NBAS: variants seen among roughly 807,000 people sequenced by gnomAD.
The protein encoded by NBAS is NBAS subunit of NRZ tethering complex.
NBAS carries 219 observed loss-of-function variants against 302.5 expected under a neutral mutation model. The observed-to-expected ratio is 0.72, with a 90% CI of 0.65 to 0.81. The LOEUF is 0.81. Among genes scored for constraint, NBAS ranks in the 30% least tolerant of loss-of-function variants. NBAS has a pLI of 0.00. For synonymous variants in NBAS, 1,118 were observed against 1,021.6 expected, an observed-to-expected ratio of 1.09 and a Z score of -1.80; for missense variants, 2,932 against 2,841.6, an observed-to-expected ratio of 1.03 and a Z score of -0.72.
intron 50 of NBAS, among the ~76,000 whole-genome samples, chr2:15,182,568 AC>A (rs1272020628): frequency 6.6e-6 from 1 of 152,198 alleles, no homozygotes; most frequent in Admixed American, 6.5e-5. Flanking sequence ...TCGGTGACTA[AC>A]CCATGTTTCG....
chr2:14,920,898 T>C, the NBAS span, among the ~76,000 whole-genome samples: 1 of 151,748 alleles, frequency 6.6e-6, no homozygotes, highest in Non-Finnish European at 1.5e-5. Context: ...AATAAGGCTG[T>C]TTCACTTTTT....
intron 35 of NBAS, among the ~76,000 whole-genome samples, chr2:15,334,449 A>G (rs1256983814): frequency 1.3e-5 from 2 of 151,994 alleles, no homozygotes; most frequent in Non-Finnish European, 2.9e-5. Context: ...CGGCCTCCCA[A>G]AGTGCTGGGA....
At chr2:15,439,062 G>A (rs746035009) in intron 21 of NBAS, among the ~76,000 whole-genome samples, 17 of 152,104 alleles carry the variant, frequency 1.1e-4, no homozygotes, top group Admixed American at 4.6e-4. Flanking sequence ...TTGGGAGGCC[G>A]AGGCAGGCGG....
intron 47 of NBAS, among the ~76,000 whole-genome samples, chr2:15,223,832 A>T (rs1030997176): frequency 1.2e-4 from 17 of 143,330 alleles, no homozygotes; most frequent in Admixed American, 2.1e-4. Context: ...CATCTCAAAT[A>T]AAAAAAAAAA....
At chr2:15,282,213 G>A (rs1669855735) in intron 42 of NBAS, among the ~76,000 whole-genome samples, 1 of 152,012 alleles carries the variant, frequency 6.6e-6, no homozygotes, top group Admixed American at 6.6e-5. Flanking sequence ...AACTAATAGG[G>A]GTTAGATGCT....
the NBAS span, among the ~76,000 whole-genome samples, chr2:15,077,204 G>A: frequency 6.6e-6 from 1 of 152,208 alleles, no homozygotes; most frequent in Admixed American, 6.5e-5. Context: ...CAGCAGGAAA[G>A]AGTGGGGAAC....
At chr2:15,134,030 T>A in the NBAS span, among the ~76,000 whole-genome samples, 404 of 147,948 alleles carry the variant, frequency 2.7e-3, no homozygotes, top group African/African-American at 9.5e-3. Context: ...ACTCTCTCCT[T>A]ACTATGCACA....
intron 24 of NBAS, among the ~76,000 whole-genome samples, chr2:15,416,470 A>G (rs1676937943): frequency 6.6e-6 from 1 of 152,206 alleles, no homozygotes; most frequent in South Asian, 2.1e-4. Context: ...AGGAAAAGAA[A>G]CTAATGAGAT....
the NBAS span, among the ~76,000 whole-genome samples, chr2:14,812,560 A>G: frequency 4.1e-4 from 63 of 152,250 alleles, 1 homozygote; most frequent in Admixed American, 3.3e-4. Context: ...GGTTCCAACC[A>G]TAGCACTAGG....
At chr2:15,486,064 G>A (rs774797209) in intron 12 of NBAS, among the ~76,000 whole-genome samples, 4 of 152,144 alleles carry the variant, frequency 2.6e-5, no homozygotes, top group Non-Finnish European at 4.4e-5. Flanking sequence ...AGGGGTGGCC[G>A]ACCCCGGCCT....
intron 44 of NBAS, among the ~76,000 whole-genome samples, chr2:15,244,680 G>A (rs1381203055): frequency 2.6e-5 from 4 of 152,146 alleles, no homozygotes; most frequent in African/African-American, 9.7e-5. Context: ...AGCTGGACCT[G>A]ATGCGCAGCC....
At chr2:15,411,560 T>G (rs954126810) in intron 25 of NBAS, among the ~76,000 whole-genome samples, 2 of 152,210 alleles carry the variant, frequency 1.3e-5, no homozygotes, top group Non-Finnish European at 2.9e-5. Flanking sequence ...CTAAATATTC[T>G]ACAGTAAGCA....
Position 15,468,470 on chromosome 2 carries a change from C to G in NBAS, c.1789G>C (p.Asp597His). The G allele has an allele frequency of 6.2e-7, 1 of 1,614,032 alleles. No homozygotes were observed. Among genetic ancestry groups the G allele is most frequent in the Middle Eastern group, 1.6e-4 (1 of 6,062 alleles). Residue 597 changes from aspartate (D) to histidine (H), a missense_variant, in exon 17 of 52, where the codon GAT becomes CAT. By Grantham distance (81) the Asp-to-His change is moderately conservative (BLOSUM62 -1). Transcript: ENST00000281513. ...TACTGAAGCAGTTCTTTTGCAGCAT[C>G]CACATTTTCAGGAACTCTTTCCAAA... ...ECLERVPENV[D>H]AAKELLQYGL...
chr2:15,504,395 C>T, intron 10 of NBAS, among the ~76,000 whole-genome samples, 182 bp from the exon 11 acceptor site: 1 of 151,798 alleles, frequency 6.6e-6, no homozygotes, highest in East Asian at 1.9e-4. Context: ...AAAAAAAAAT[C>T]CACCAAGTGG....
At chr2:14,894,390 C>A in the NBAS span, among the ~76,000 whole-genome samples, 1 of 152,018 alleles carries the variant, frequency 6.6e-6, no homozygotes, top group Non-Finnish European at 1.5e-5. Flanking sequence ...AATATAGAAA[C>A]CTGGAACTGA....
At chr2:15,472,529 T>C (rs1441759319) in intron 16 of NBAS, among the ~76,000 whole-genome samples, 1 of 152,148 alleles carries the variant, frequency 6.6e-6, no homozygotes, top group Non-Finnish European at 1.5e-5. Context: ...GGTAGGGGTT[T>C]CCTGCTTCCT....
At chr2:15,478,623 C>T (rs991779760) in intron 12 of NBAS, among the ~76,000 whole-genome samples, 1 of 152,278 alleles carries the variant, frequency 6.6e-6, no homozygotes, top group African/African-American at 2.4e-5. Context: ...TAAACACTGG[C>T]CTGGATACAG....
chr2:14,953,751 G>A, the NBAS span, among the ~76,000 whole-genome samples: 1 of 152,224 alleles, frequency 6.6e-6, no homozygotes, highest in East Asian at 1.9e-4. Flanking sequence ...GTGACTCCCA[G>A]CATGGATTGG....
chr2:15,226,815 T>C (rs1382049808), intron 47 of NBAS, among the ~76,000 whole-genome samples: 2 of 151,764 alleles, frequency 1.3e-5, no homozygotes, highest in Non-Finnish European at 2.9e-5. Flanking sequence ...TTTTGTGGAG[T>C]CGTCAGGATT....
Sources: gnomAD v4.1 joint callset for allele counts (sites outside exome capture counted in the v4.1 genomes callset) on GRCh38, gnomAD v4.1.1 for gene constraint, MANE v1.5 for transcripts, NCBI Gene and HGNC (gene_info 2026-07-23, HGNC 2026-07-21) for gene names.